ADAM8: variants seen among roughly 807,000 people sequenced by gnomAD.
ADAM8 encodes the protein disintegrin and metalloproteinase domain-containing protein 8.
Under a neutral mutation model 102.4 loss-of-function variants are expected in ADAM8, and 104 were observed. The observed-to-expected ratio is 1.02, with a 90% confidence interval of 0.87 to 1.20. The LOEUF is 1.20. ADAM8 is among the 50% of genes most tolerant of loss of function. The pLI, the probability that ADAM8 is intolerant of heterozygous loss-of-function variation, is 0.00. For missense variants in ADAM8, 1,132 were observed against 1,159.0 expected (o/e 0.98, Z 0.34); for synonymous variants, 517 against 485.2 (o/e 1.07, Z -0.86).
In ADAM8 at chr10:133,267,546, C is replaced by T; in HGVS notation, c.2254-129G>A. 3 of 932,118 alleles carry T rather than the reference C, an allele frequency of 3.2e-6. No homozygotes were observed. The South Asian group carries it at 5.1e-5, about 16-fold the overall frequency. The allele number at this position is 932,118 out of a possible 1,614,324, so 57.7% of individuals were successfully genotyped here. On this transcript the variant is annotated intron_variant, in intron 20 of 22. Coordinates refer to ENST00000445355, the MANE Select transcript of ADAM8 (RefSeq NM_001109.5). ...GAGGCGTCTGCGCGGCCCACAGGGC[C>T]CCACCCCAGATGAGAGGCCCCGCCC...
Position 133,273,386 on chromosome 10 carries a change from G to A in ADAM8, c.441C>T (p.Gly147=), listed in dbSNP as rs755718917. The A allele has an allele frequency of 1.3e-5, 20 of 1,550,728 alleles. No homozygotes were observed. Among genetic ancestry groups the A allele is most frequent in the South Asian group, 3.6e-5 (3 of 84,254 alleles). The change falls in exon 6 of 23, where the codon GGC becomes GGT. Residue 147 remains glycine, a synonymous_variant. Coordinates refer to ENST00000445355, the MANE Select transcript of ADAM8 (RefSeq NM_001109.5). ...GGTACACGGCGTGCCGTCCGCCCTC[G>A]CCACCTTCATCCAGGGGCTCGATCA... ...LHLIEPLDEG[G]EGGRHAVYQA...
chr10:133,263,325 T>C, intron 22 of ADAM8, 92 bp from the exon 23 acceptor site: 1 of 1,246,776 alleles, frequency 8.0e-7, no homozygotes, highest in South Asian at 1.6e-5. Context: ...CTTTAACATC[T>C]CTTAAAATGT....
At chr10:133,270,603 G>A in intron 15 of ADAM8, 93 bp from the exon 16 acceptor site, 1 of 1,542,670 alleles carries the variant, frequency 6.5e-7, no homozygotes, top group South Asian at 1.2e-5. Flanking sequence ...CCACAACACG[G>A]TGCGCTTGAG....
At chr10:133,264,217 A>G (rs1846254325) in intron 21 of ADAM8, among the ~76,000 whole-genome samples, 1 of 151,634 alleles carries the variant, frequency 6.6e-6, no homozygotes, top group African/African-American at 2.4e-5. Context: ...ACAAGCCACC[A>G]TACCCAGCTA....
At chr10:133,273,075 T>TCTCTGGGTGCAGG in intron 6 of ADAM8, 56 bp from the exon 7 acceptor site, 1 of 1,609,286 alleles carries the variant, frequency 6.2e-7, no homozygotes, top group Admixed American at 1.7e-5. Context: ...GCCTGGACCC[T>TCTCTGGGTGCAGG]CCCTCAGGGA....
chr10:133,264,550 T>G (rs960404212), intron 21 of ADAM8, among the ~76,000 whole-genome samples: 1 of 152,230 alleles, frequency 6.6e-6, no homozygotes, highest in Admixed American at 6.5e-5. Flanking sequence ...GCATTTGCAG[T>G]TTTCAGCAGC....
At chr10:133,269,298 T>A in intron 18 of ADAM8, 147 bp downstream of exon 18, 1 of 1,249,746 alleles carries the variant, frequency 8.0e-7, no homozygotes, top group Non-Finnish European at 1.1e-6. Flanking sequence ...AGACAGGCTC[T>A]GCCTATACCT....
chr10:133,267,291 A>G (rs930521256), intron 21 of ADAM8, 61 bp downstream of exon 21: 14 of 1,533,436 alleles, frequency 9.1e-6, no homozygotes, highest in East Asian at 4.6e-5. Flanking sequence ...ACAGACCCCA[A>G]TCCCATCAGG....
At chr10:133,276,684 G>T in intron 1 of ADAM8, 88 bp downstream of exon 1, 2 of 1,490,022 alleles carry the variant, frequency 1.3e-6, no homozygotes, top group Non-Finnish European at 1.8e-6. Flanking sequence ...GTGCGAGCAG[G>T]CCAGGGGCTC....
intron 15 of ADAM8, 40 bp downstream of exon 15, chr10:133,270,696 G>A (rs745517326): frequency 5.0e-6 from 8 of 1,586,196 alleles, no homozygotes; most frequent in Non-Finnish European, 6.9e-6. Context: ...CCCGCTGTGG[G>A]AACAGCACAT....
chr10:133,273,591 G>C, intron 5 of ADAM8, 148 bp from the exon 6 acceptor site: 2 of 1,266,142 alleles, frequency 1.6e-6, no homozygotes, highest in South Asian at 1.5e-5. Context: ...CCAGGGTACA[G>C]GAGGGTGAGC....
chr10:133,263,682 C>T lies in ADAM8; in HGVS notation c.2397+6G>A, dbSNP rs773081307. The stretch of plus-strand genomic sequence containing the variant: ...GGACTCTGCCTGGTGTGTGCTGGGG[C>T]CTCACCTCAGCTGGACCAGGGTTGG... On this transcript the variant is annotated splice_donor_region_variant and intron_variant, in intron 22 of 22. Coordinates refer to ENST00000445355, the MANE Select transcript of ADAM8 (RefSeq NM_001109.5). 5 of 1,224,766 alleles carry T rather than the reference C, an allele frequency of 4.1e-6. No homozygotes were observed. Among genetic ancestry groups the T allele is most frequent in the Non-Finnish European group, 5.2e-6 (5 of 957,850 alleles). The allele number at this position is 1,224,766 out of a possible 1,614,324, so 75.9% of individuals were successfully genotyped here.
At chr10:133,275,440 T>C in intron 2 of ADAM8, 44 bp downstream of exon 2, 1 of 1,425,532 alleles carries the variant, frequency 7.0e-7, no homozygotes, top group Non-Finnish European at 9.5e-7. Context: ...AAAAATAGGC[T>C]CAGGGGCCAG....
At position 133,268,038 on chromosome 10, in the gene ADAM8, C is replaced by T; in HGVS notation, c.2144G>A (p.Gly715Glu). 6.3e-6 allele frequency: 8 copies of T among 1,262,792 alleles called. No individual in the cohort carries two copies. Among genetic ancestry groups the T allele is most frequent in the Non-Finnish European group, 8.0e-6 (8 of 996,864 alleles). 78.2% of individuals were successfully genotyped at this position (1,262,792 alleles called of 1,614,324 possible). Residue 715 changes from glycine to glutamate, a missense_variant, in exon 20 of 23, where the codon GGG (glycine) becomes GAG (glutamate). Gly to Glu is a moderately conservative substitution (Grantham distance 98). Coordinates refer to ENST00000445355, the MANE Select transcript of ADAM8 (RefSeq NM_001109.5). ...QAASRVPAKGGAPAPSRGPQE... is the reference protein window; with the variant it reads ...QAASRVPAKGEAPAPSRGPQE... ...GGGGCCCCTGGATGGGGCTGGAGCC[C>T]CGCCCTTGGCCGGCACGCGGCTGGC...
At chr10:133,276,438 C>T (rs948111701) in intron 1 of ADAM8, among the ~76,000 whole-genome samples, 2 of 152,224 alleles carry the variant, frequency 1.3e-5, no homozygotes, top group Non-Finnish European at 1.5e-5. Context: ...GGTGGGTAGC[C>T]CCACAGGTGA....
chr10:133,272,757 C>T, intron 8 of ADAM8, 41 bp downstream of exon 8: 1 of 1,577,172 alleles, frequency 6.3e-7, no homozygotes, highest in Non-Finnish European at 8.6e-7. Context: ...CCACCTCCCG[C>T]CAGGGGCTCT....
At chr10:133,263,635 G>GCCGTGCCACTGTCAGCCCCGTGGGGAGA in intron 22 of ADAM8, 53 bp downstream of exon 22, 5 of 1,483,514 alleles carry the variant, frequency 3.4e-6, no homozygotes, top group South Asian at 2.6e-5. Context: ...CCGTGGGGAG[G>GCCGTGCCACTGTCAGCCCCGTGGGGAGA]CCGTGCCGTC....
intron 9 of ADAM8, 51 bp downstream of exon 9, chr10:133,272,365 G>GGGCCCCCC: frequency 2.4e-6 from 1 of 408,804 alleles, no homozygotes. Flanking sequence ...ACCCCACCCT[G>GGGCCCCCC]CCCGCCCTCC....
At chr10:133,276,513 C>T (rs1467628886) in intron 1 of ADAM8, among the ~76,000 whole-genome samples, 2 of 152,358 alleles carry the variant, frequency 1.3e-5, no homozygotes, top group Admixed American at 6.5e-5. Context: ...GCCCCGACCC[C>T]ACTAACAAGC....
Sources: allele counts gnomAD v4.1 joint callset (sites outside exome capture counted in the v4.1 genomes callset), GRCh38; gene constraint gnomAD v4.1.1; transcripts MANE v1.5; gene names NCBI Gene and HGNC (gene_info 2026-07-23, HGNC 2026-07-21).